Variants in DIP2B observed in about 807,000 individuals in gnomAD.
DIP2B encodes the protein DIP2 acetate--CoA ligase B (putative).
A neutral mutation model predicts 198.0 loss-of-function variants in DIP2B; 76 were observed. The ratio of observed to expected loss-of-function variants is 0.38; its 90% confidence interval spans 0.32 to 0.46. The LOEUF (loss-of-function observed/expected upper bound fraction) is 0.46, where lower values mean the gene tolerates loss of function less well. Ranked by LOEUF, DIP2B falls within the 20% of genes least tolerant of loss-of-function variation. The pLI is 0.99. For missense variants in DIP2B, 1,559 were observed against 1,978.4 expected (o/e 0.79, Z 4.02); for synonymous variants, 701 against 739.1 (o/e 0.95, Z 0.84).
At chr12:50,740,110 T>C (rs2139607241) in intron 36 of DIP2B, among the ~76,000 whole-genome samples, 1 of 152,330 alleles carries the variant, frequency 6.6e-6, no homozygotes, top group South Asian at 2.1e-4. Flanking sequence ...TTGTCACAGC[T>C]TCACTGCTGC....
At chr12:50,528,898 G>A (rs1268302634) in intron 1 of DIP2B, among the ~76,000 whole-genome samples, 2 of 152,176 alleles carry the variant, frequency 1.3e-5, no homozygotes, top group African/African-American at 4.8e-5. Flanking sequence ...GATTTGTTAG[G>A]TTTAGCCACA....
chr12:50,741,457 A>G lies in DIP2B; in HGVS notation c.4396A>G (p.Thr1466Ala), dbSNP rs752334794. The G allele has an allele frequency of 1.1e-5, 18 of 1,613,980 alleles. No individual in the cohort carries two copies. Among genetic ancestry groups the G allele is most frequent in the Admixed American group, 1.7e-5 (1 of 59,994 alleles). ...ALYVVGALDE[T>A]LELRGLRYHP... ...GTATGTGGTGGGAGCGCTGGATGAAACACTGGAGCTGAGAGGATTACGATA... is the reference window on the plus strand; with the variant it reads ...GTATGTGGTGGGAGCGCTGGATGAAGCACTGGAGCTGAGAGGATTACGATA... The change falls in exon 37 of 38, where the codon ACA (threonine) becomes GCA (alanine). Residue 1466 changes from threonine (T) to alanine (A), a missense_variant. Transcript: ENST00000301180.
At chr12:50,623,032 GAT>G (rs1937845675) in intron 1 of DIP2B, among the ~76,000 whole-genome samples, 1 of 151,858 alleles carries the variant, frequency 6.6e-6, no homozygotes, top group East Asian at 1.9e-4. Flanking sequence ...TTCTTAGAAA[GAT>G]GTGTACTTTT....
chr12:50,541,407 T>C (rs538737352), intron 1 of DIP2B, among the ~76,000 whole-genome samples: 1 of 151,292 alleles, frequency 6.6e-6, no homozygotes, highest in Admixed American at 6.6e-5. Flanking sequence ...AACATTCTTT[T>C]TTTTTTTTTT....
chr12:50,602,447 T>C (rs1456760346), intron 1 of DIP2B, among the ~76,000 whole-genome samples: 1 of 152,140 alleles, frequency 6.6e-6, no homozygotes, highest in African/African-American at 2.4e-5. Flanking sequence ...TTTTGTATTT[T>C]TTGTAGAGAC....
intron 28 of DIP2B, among the ~76,000 whole-genome samples, chr12:50,725,564 C>T (rs1401672653): frequency 1.3e-5 from 2 of 152,032 alleles, no homozygotes; most frequent in Non-Finnish European, 2.9e-5. Flanking sequence ...TCTGAGTATC[C>T]GTACTAACCT....
At chr12:50,661,824 C>T (rs764919595) in intron 4 of DIP2B, among the ~76,000 whole-genome samples, 1 of 152,126 alleles carries the variant, frequency 6.6e-6, no homozygotes. Flanking sequence ...GGAAATAATC[C>T]CCTCCAAAGC....
intron 1 of DIP2B, among the ~76,000 whole-genome samples, chr12:50,585,340 C>G (rs1225317265): frequency 6.6e-6 from 1 of 152,212 alleles, no homozygotes; most frequent in African/African-American, 2.4e-5. Flanking sequence ...AGACAAACCA[C>G]AGATAAATCG....
chr12:50,637,929 C>G lies in DIP2B; in HGVS notation c.173-2795C>G, dbSNP rs143222838. ...ATTCAAACAATAGAAACATATTAGACTCTGATGTATTTTTCTGCCAAGGAA... is the reference window on the plus strand; with the variant it reads ...ATTCAAACAATAGAAACATATTAGAGTCTGATGTATTTTTCTGCCAAGGAA... On this transcript the variant is annotated intron_variant, in intron 2 of 37. Coordinates refer to ENST00000301180, the MANE Select transcript of DIP2B (RefSeq NM_173602.3). Among the ~76,000 whole-genome samples the G allele has an allele frequency of 3.3e-5, 5 of 152,228 alleles. No homozygotes were observed. In the East Asian group the frequency reaches 9.6e-4, roughly 29 times the overall value.
At position 50,678,715 on chromosome 12, in the gene DIP2B, G is replaced by A; in HGVS notation, c.953G>A (p.Gly318Glu). ...GACCCCAACCAGCCCAAGCCGGAGG[G>A]ACGGCAGATGACCCCTGTGAAAGGA... ...QPDPNQPKPEGRQMTPVKGEP... is the reference protein window; with the variant it reads ...QPDPNQPKPEERQMTPVKGEP... Residue 318 changes from glycine to glutamate, a missense_variant, in exon 8 of 38, where the codon GGA (glycine) becomes GAA (glutamate). Gly to Glu is a moderately conservative substitution (Grantham distance 98, BLOSUM62 -2). Coordinates refer to ENST00000301180, the MANE Select transcript of DIP2B (RefSeq NM_173602.3). 1 of 1,614,178 alleles carries A rather than the reference G, an allele frequency of 6.2e-7. No homozygotes were observed. Among genetic ancestry groups the A allele is most frequent in the African/African-American group, 1.3e-5 (1 of 75,048 alleles).
At chr12:50,643,519 A>G (rs957721203) in intron 3 of DIP2B, among the ~76,000 whole-genome samples, 3 of 151,364 alleles carry the variant, frequency 2.0e-5, no homozygotes, top group Non-Finnish European at 4.4e-5. Context: ...TGATTTAAAA[A>G]CCCTGAAGAT....
At chr12:50,686,468 A>G (rs1939132365) in intron 11 of DIP2B, 105 bp from the exon 12 acceptor site, 1 of 932,860 alleles carries the variant, frequency 1.1e-6, no homozygotes, top group African/African-American at 1.7e-5. Context: ...TATTGATTAT[A>G]AAATGATCTT....
Position 50,746,936 on chromosome 12 carries a change from G to A in DIP2B, c.*2097G>A, listed in dbSNP as rs977496005. On this transcript the variant is annotated 3_prime_UTR_variant, in exon 38 of 38. Coordinates refer to ENST00000301180, the MANE Select transcript of DIP2B (RefSeq NM_173602.3). ...GGGTATAGGCATCTAGAGATGCACT[G>A]TCCACTGTAAATACTATAATGAGAG... The A allele has an allele frequency of 6.6e-6, 1 of 152,130 alleles. No homozygotes were observed. Among genetic ancestry groups the A allele is most frequent in the Non-Finnish European group, 1.5e-5 (1 of 68,040 alleles). The allele number at this position is 152,130 out of a possible 1,614,324, so 9.4% of individuals were successfully genotyped here. A position where few individuals can be genotyped will look rare whatever the true frequency, so the allele number is the denominator to read the frequency against.
At chr12:50,570,043 T>A (rs1192357516) in intron 1 of DIP2B, among the ~76,000 whole-genome samples, 1 of 152,242 alleles carries the variant, frequency 6.6e-6, no homozygotes, top group Non-Finnish European at 1.5e-5. Context: ...AGTGCTCTGA[T>A]TCCTTTATGA....
chr12:50,701,398 T>G (rs950350988), intron 19 of DIP2B, among the ~76,000 whole-genome samples: 8 of 152,256 alleles, frequency 5.3e-5, no homozygotes, highest in African/African-American at 1.2e-4. Context: ...TGTTGTTGTT[T>G]TTTAGGTGGG....
intron 25 of DIP2B, among the ~76,000 whole-genome samples, chr12:50,720,393 G>A (rs2139585312): frequency 6.6e-6 from 1 of 151,744 alleles, no homozygotes; most frequent in East Asian, 1.9e-4. Flanking sequence ...CTTATCCAAA[G>A]TATACCCATC....
rs367699036 is a variant in DIP2B, at chr12:50,582,145, G to GTTTTTTT, written c.101-43813_101-43807dup. ...TAATAGCTTCTTTTTCTTTTTTTCT[G>GTTTTTTT]TTTTTTTTTTTTTTTTTTTTTTTTG... On this transcript the variant is annotated intron_variant, in intron 1 of 37. Transcript: ENST00000301180. Among the ~76,000 whole-genome samples, 60 of 77,540 alleles carry GTTTTTTT rather than the reference G, an allele frequency of 7.7e-4. 2 individuals carry two copies. Among genetic ancestry groups the GTTTTTTT allele is most frequent in the African/African-American group, 3.1e-3 (50 of 16,134 alleles). The allele number at this position is 77,540 out of a possible 152,430, so 50.9% of individuals were successfully genotyped here.
intron 9 of DIP2B, among the ~76,000 whole-genome samples, chr12:50,682,076 C>G (rs143649176): frequency 6.6e-6 from 1 of 152,212 alleles, no homozygotes; most frequent in East Asian, 1.9e-4. Flanking sequence ...TAAGAAACTC[C>G]GCAGTGGTAG....
At chr12:50,740,728 G>A (rs1940226732) in intron 36 of DIP2B, among the ~76,000 whole-genome samples, 1 of 152,146 alleles carries the variant, frequency 6.6e-6, no homozygotes, top group African/African-American at 2.4e-5. Context: ...TGGATTACAA[G>A]CCTGTTAGAA....
Sources: allele counts gnomAD v4.1 joint callset (sites outside exome capture counted in the v4.1 genomes callset), GRCh38; gene constraint gnomAD v4.1.1; transcripts MANE v1.5; gene names NCBI Gene and HGNC (gene_info 2026-07-23, HGNC 2026-07-21).